PTPRR: variants seen among roughly 807,000 people sequenced by gnomAD.
PTPRR encodes the protein protein tyrosine phosphatase receptor type R, also known as receptor-type tyrosine-protein phosphatase R.
Under a neutral mutation model 77.2 loss-of-function variants are expected in PTPRR, and 38 were observed. The ratio of observed to expected loss-of-function variants is 0.49; its 90% CI spans 0.38 to 0.65. The LOEUF (loss-of-function observed/expected upper bound fraction) is 0.65. PTPRR is among the 30% of genes least tolerant of loss of function. The pLI is 0.00. For missense variants in PTPRR, 744 were observed against 799.2 expected (o/e 0.93, Z 0.83); for synonymous variants, 299 against 283.1 (o/e 1.06, Z -0.57).
At chr12:70,883,842 G>T (rs944810557) in intron 2 of PTPRR, among the ~76,000 whole-genome samples, 5 of 152,168 alleles carry the variant, frequency 3.3e-5, no homozygotes, top group Admixed American at 1.3e-4. Flanking sequence ...ATTGCCAGAA[G>T]AATTTATACA....
chr12:70,888,240 CATACTATCAATGTTTT>C (rs1367059706), intron 2 of PTPRR, among the ~76,000 whole-genome samples: 6 of 152,094 alleles, frequency 3.9e-5, no homozygotes, highest in Non-Finnish European at 8.8e-5. Context: ...TAGTTCTTAG[CATACTATCAATGTTTT>C]ATGCTTAGCA....
At chr12:70,796,954 G>T (rs1009126161) in intron 2 of PTPRR, among the ~76,000 whole-genome samples, 1 of 152,112 alleles carries the variant, frequency 6.6e-6, no homozygotes, top group Non-Finnish European at 1.5e-5. Flanking sequence ...GGAGGCAGAG[G>T]TTGCTGTGAG....
intron 1 of PTPRR, among the ~76,000 whole-genome samples, chr12:70,910,540 A>G (rs1368658211): frequency 6.6e-6 from 1 of 152,182 alleles, no homozygotes; most frequent in Non-Finnish European, 1.5e-5. Flanking sequence ...TCCATATGAA[A>G]TTCAATGCTT....
intron 2 of PTPRR, among the ~76,000 whole-genome samples, chr12:70,867,311 C>A (rs1223897895): frequency 2.6e-5 from 4 of 151,764 alleles, no homozygotes; most frequent in African/African-American, 7.3e-5. Flanking sequence ...AGCCCAAAAT[C>A]TCCTTAAGCT....
chr12:70,730,961 G>A (rs1463411057), intron 6 of PTPRR, among the ~76,000 whole-genome samples: 1 of 149,724 alleles, frequency 6.7e-6, no homozygotes, highest in Non-Finnish European at 1.5e-5. Context: ...AGAGGAAAGA[G>A]AGAGGAAGTG....
At chr12:70,854,049 A>C (rs749412479) in intron 2 of PTPRR, among the ~76,000 whole-genome samples, 2 of 152,228 alleles carry the variant, frequency 1.3e-5, no homozygotes, top group Non-Finnish European at 2.9e-5. Flanking sequence ...CTTAACACTT[A>C]CAAACATCCA....
chr12:70,768,303 G>T (rs530241900), intron 2 of PTPRR, among the ~76,000 whole-genome samples: 1 of 151,982 alleles, frequency 6.6e-6, no homozygotes, highest in Non-Finnish European at 1.5e-5. Context: ...TCAAATAGAC[G>T]CAATAAAAAA....
intron 2 of PTPRR, among the ~76,000 whole-genome samples, chr12:70,765,934 C>T (rs980953298): frequency 1.3e-5 from 2 of 152,222 alleles, no homozygotes; most frequent in Non-Finnish European, 2.9e-5. Context: ...AAAACTCCAA[C>T]AGACCTGCAG....
chr12:70,815,738 T>C (rs1244199577), intron 2 of PTPRR, among the ~76,000 whole-genome samples: 3 of 152,296 alleles, frequency 2.0e-5, no homozygotes, highest in African/African-American at 7.2e-5. Flanking sequence ...GAAAATGATG[T>C]AAGGTCTCAT....
chr12:70,753,002 T>C, intron 5 of PTPRR, among the ~76,000 whole-genome samples: 1 of 152,246 alleles, frequency 6.6e-6, no homozygotes, highest in East Asian at 1.9e-4. Context: ...AATTATTCTT[T>C]TGTTTATTGA....
At chr12:70,740,335 A>G (rs149536128) in intron 6 of PTPRR, among the ~76,000 whole-genome samples, 2 of 151,044 alleles carry the variant, frequency 1.3e-5, no homozygotes, top group Admixed American at 6.6e-5. Flanking sequence ...GATTAGTTTG[A>G]AAAAGGGAGA....
At chr12:70,882,157 C>G (rs376952681) in intron 2 of PTPRR, among the ~76,000 whole-genome samples, 1 of 152,180 alleles carries the variant, frequency 6.6e-6, no homozygotes, top group African/African-American at 2.4e-5. Flanking sequence ...CTCCAAGAAG[C>G]AAATTGAAAT....
chr12:70,823,096 GTC>G (rs555648852), intron 2 of PTPRR, among the ~76,000 whole-genome samples: 1 of 109,202 alleles, frequency 9.2e-6, no homozygotes, highest in East Asian at 2.4e-4. Context: ...CTCTCTTGCT[GTC>G]TCTCTCTCTG....
chr12:70,745,088 A>G (rs1303100604), intron 6 of PTPRR, among the ~76,000 whole-genome samples: 5 of 152,162 alleles, frequency 3.3e-5, no homozygotes, highest in African/African-American at 1.2e-4. Context: ...TTCTTTAGAT[A>G]GAGTTTCACT....
At chr12:70,646,115 A>G (rs1446468119) in intron 13 of PTPRR, among the ~76,000 whole-genome samples, 1 of 152,184 alleles carries the variant, frequency 6.6e-6, no homozygotes, top group African/African-American at 2.4e-5. Flanking sequence ...TTCTTTTGGT[A>G]AAGTTTGGTA....
intron 2 of PTPRR, among the ~76,000 whole-genome samples, chr12:70,810,041 C>A (rs1365964694): frequency 6.6e-6 from 1 of 152,150 alleles, no homozygotes; most frequent in Non-Finnish European, 1.5e-5. Flanking sequence ...AAAGAATAAA[C>A]AATCACCAGC....
chr12:70,852,079 G>C (rs1490637542), intron 2 of PTPRR, among the ~76,000 whole-genome samples: 1 of 152,176 alleles, frequency 6.6e-6, no homozygotes. Flanking sequence ...GGCAGACAGT[G>C]TATGAGTGCA....
chr12:70,784,102 G>A (rs1891268579), intron 2 of PTPRR, among the ~76,000 whole-genome samples: 1 of 152,210 alleles, frequency 6.6e-6, no homozygotes, highest in Admixed American at 6.5e-5. Context: ...GAGGGAGCAG[G>A]GTTCCTGCTT....
At chr12:70,709,611 A>G (rs963226914) in intron 6 of PTPRR, among the ~76,000 whole-genome samples, 5 of 152,170 alleles carry the variant, frequency 3.3e-5, no homozygotes, top group Admixed American at 6.6e-5. Flanking sequence ...AAGCTTCTGA[A>G]GCGAATAAAC....
Sources: gnomAD v4.1 joint callset for allele counts (sites outside exome capture counted in the v4.1 genomes callset) on GRCh38, gnomAD v4.1.1 for gene constraint, MANE v1.5 for transcripts, NCBI Gene and HGNC (gene_info 2026-07-23, HGNC 2026-07-21) for gene names.